MAST4: variants seen among roughly 807,000 people sequenced by gnomAD.
MAST4 encodes the protein microtubule associated serine/threonine kinase family member 4.
Under a neutral mutation model 162.7 loss-of-function variants are expected in MAST4, and 89 were observed. The observed-to-expected ratio is 0.55, with a 90% CI of 0.46 to 0.65. The LOEUF (loss-of-function observed/expected upper bound fraction) is 0.65, where lower values mean the gene tolerates loss of function less well. Ranked by LOEUF, MAST4 falls within the 30% of genes least tolerant of loss-of-function variation. The probability of loss-of-function intolerance (pLI) is 0.00; values close to 1 mark genes in which losing one functional copy is unlikely to be tolerated. For synonymous variants in MAST4, 1,479 were observed against 1,361.1 expected, an observed-to-expected ratio of 1.09 and a Z score of -1.91; for missense variants, 3,153 against 3,374.0, an observed-to-expected ratio of 0.93 and a Z score of 1.62.
chr5:66,628,641 CG>C (rs927687456), intron 1 of MAST4, among the ~76,000 whole-genome samples: 1 of 151,370 alleles, frequency 6.6e-6, no homozygotes, highest in Non-Finnish European at 1.5e-5. Context: ...GGTAGAGGGG[CG>C]GGGGGAAAGT....
At chr5:67,109,484 T>C (rs563321312) in intron 10 of MAST4, among the ~76,000 whole-genome samples, 1 of 152,278 alleles carries the variant, frequency 6.6e-6, no homozygotes, top group Admixed American at 6.5e-5. Context: ...ATGCAAATAT[T>C]CTAAAATTTG....
intron 3 of MAST4, among the ~76,000 whole-genome samples, chr5:66,887,079 C>G (rs1762088766): frequency 6.6e-6 from 1 of 152,032 alleles, no homozygotes; most frequent in Admixed American, 6.5e-5. Context: ...CGAAACAAAA[C>G]AAAAATCTCA....
intron 4 of MAST4, among the ~76,000 whole-genome samples, chr5:66,919,478 T>A (rs1399074695): frequency 1.3e-5 from 2 of 151,706 alleles, no homozygotes; most frequent in Non-Finnish European, 2.9e-5. Context: ...CTGGCCAACA[T>A]GTTGAACCCC....
At chr5:66,608,037 C>T (rs1477440374) in intron 1 of MAST4, among the ~76,000 whole-genome samples, 3 of 151,000 alleles carry the variant, frequency 2.0e-5, no homozygotes, top group African/African-American at 7.3e-5. Flanking sequence ...AAATTATATC[C>T]ATCACCTCAC....
intron 1 of MAST4, among the ~76,000 whole-genome samples, chr5:66,757,973 CT>C (rs1045397781): frequency 1.4e-4 from 22 of 152,020 alleles, no homozygotes; most frequent in Non-Finnish European, 3.1e-4. Context: ...CTTGGAGGCC[CT>C]CCTAAATAGG....
At chr5:67,122,250 A>G (rs1200304503) in intron 14 of MAST4, among the ~76,000 whole-genome samples, 1 of 152,236 alleles carries the variant, frequency 6.6e-6, no homozygotes, top group Non-Finnish European at 1.5e-5. Flanking sequence ...TTTATCACAC[A>G]TGAGCAGATG....
At chr5:66,651,592 ATTACT>A (rs1223257993) in intron 1 of MAST4, among the ~76,000 whole-genome samples, 2 of 152,072 alleles carry the variant, frequency 1.3e-5, no homozygotes, top group Non-Finnish European at 2.9e-5. Context: ...TAAAAGATAG[ATTACT>A]TTATTGCTGT....
At chr5:67,034,520 C>T (rs79206044) in intron 4 of MAST4, among the ~76,000 whole-genome samples, 37 of 152,250 alleles carry the variant, frequency 2.4e-4, no homozygotes, top group African/African-American at 8.9e-4. Flanking sequence ...GAGAGTCAGG[C>T]GGCCTTCCTG....
intron 23 of MAST4, 59 bp downstream of exon 23, chr5:67,145,438 C>G: frequency 6.7e-7 from 1 of 1,486,310 alleles, no homozygotes; most frequent in Non-Finnish European, 9.3e-7. Context: ...TCTCCTAGTG[C>G]TCAGTCCCAG....
chr5:66,901,952 G>A (rs1355431055), intron 4 of MAST4, among the ~76,000 whole-genome samples: 1 of 152,090 alleles, frequency 6.6e-6, no homozygotes, highest in African/African-American at 2.4e-5. Context: ...AAATGCTAGA[G>A]TGATTTTATA....
chr5:66,978,260 C>T (rs1307640925), intron 4 of MAST4, among the ~76,000 whole-genome samples: 2 of 152,098 alleles, frequency 1.3e-5, no homozygotes, highest in African/African-American at 4.8e-5. Context: ...TTAAGTACAT[C>T]CAAGGTTGGG....
intron 1 of MAST4, among the ~76,000 whole-genome samples, chr5:66,609,450 G>C (rs968209305): frequency 6.7e-6 from 1 of 149,950 alleles, no homozygotes; most frequent in Non-Finnish European, 1.5e-5. Context: ...AGTGCAGTGG[G>C]ACCATCTCAG....
At chr5:66,943,257 A>G (rs534286108) in intron 4 of MAST4, among the ~76,000 whole-genome samples, 1 of 152,176 alleles carries the variant, frequency 6.6e-6, no homozygotes, top group East Asian at 1.9e-4. Flanking sequence ...AATAGTATCT[A>G]CCTCACTGAA....
intron 1 of MAST4, among the ~76,000 whole-genome samples, chr5:66,743,221 CA>C (rs1752570321): frequency 1.3e-5 from 2 of 152,166 alleles, no homozygotes; most frequent in Admixed American, 6.5e-5. Flanking sequence ...TTGTTTTTCT[CA>C]TTGCATTTCC....
intron 4 of MAST4, among the ~76,000 whole-genome samples, chr5:67,005,482 T>C: frequency 1.3e-5 from 2 of 152,334 alleles, no homozygotes; most frequent in South Asian, 4.1e-4. Context: ...TGTTCCTCTC[T>C]ATTAAATATT....
At position 67,169,557 on chromosome 5, in the gene MAST4, A is replaced by G. The variant is rs954383853; in HGVS notation, c.*2506A>G. Reference sequence around the variant, plus strand: ...TTGAACAAAATATTTATACTTATGCAGTTGCATAACATTGAAATAAAAATT... The same window carrying G: ...TTGAACAAAATATTTATACTTATGCGGTTGCATAACATTGAAATAAAAATT... On this transcript the variant is annotated 3_prime_UTR_variant, in exon 29 of 29. Coordinates refer to ENST00000403625, the MANE Select transcript of MAST4 (RefSeq NM_001164664.2). 1 of 152,244 alleles carries G rather than the reference A, an allele frequency of 6.6e-6. No homozygotes were observed. Among genetic ancestry groups the G allele is most frequent in the African/African-American group, 2.4e-5 (1 of 41,464 alleles). The allele number at this position is 152,244 out of a possible 1,614,324, so 9.4% of individuals were successfully genotyped here. A position where few individuals can be genotyped will look rare whatever the true frequency, so the allele number is the denominator to read the frequency against.
rs761410811 is a variant in MAST4 at position 67,163,754 on chromosome 5, C to T, written c.4575C>T (p.Asp1525=). 2 of 1,609,382 alleles carry T rather than the reference C, an allele frequency of 1.2e-6. No individual in the cohort carries two copies. The highest frequency in any genetic ancestry group is 2.2e-5 in the East Asian group (1 of 44,698). ...SRKVGRQESV[D]DLDRDKLKAK... Reference sequence around the variant, plus strand: ...AGGTGGGCCGCCAGGAGTCTGTGGACGACCTGGACCGCGACAAGCTGAAGG... The same window carrying T: ...AGGTGGGCCGCCAGGAGTCTGTGGATGACCTGGACCGCGACAAGCTGAAGG... Residue 1525 remains aspartate, a synonymous_variant, in exon 29 of 29, where the codon GAC becomes GAT. Transcript: ENST00000403625. This position sits in a 1 kb window ranked among gnomAD's most constrained non-coding sequence, Gnocchi z 7.0.
At chr5:66,971,535 T>C (rs1335923276) in intron 4 of MAST4, among the ~76,000 whole-genome samples, 1 of 152,224 alleles carries the variant, frequency 6.6e-6, no homozygotes, top group Non-Finnish European at 1.5e-5. Flanking sequence ...CTTGATACTA[T>C]CTACTCTTAA....
At chr5:66,700,013 A>G (rs1387244856) in intron 1 of MAST4, among the ~76,000 whole-genome samples, 2 of 130,484 alleles carry the variant, frequency 1.5e-5, no homozygotes, top group Non-Finnish European at 3.2e-5. Context: ...TGCAGCTGTG[A>G]TTGTGAAACT....
Sources: allele counts gnomAD v4.1 joint callset (sites outside exome capture counted in the v4.1 genomes callset), GRCh38; gene constraint gnomAD v4.1.1; non-coding constraint Gnocchi (gnomAD v3.1); transcripts MANE v1.5; gene names NCBI Gene and HGNC (gene_info 2026-07-23, HGNC 2026-07-21).